The following PCDHGA1 variants were observed in gnomAD, a reference collection of about 807,000 sequenced individuals.
The protein encoded by PCDHGA1 is protocadherin gamma-A1.
Under a neutral mutation model 58.0 loss-of-function variants are expected in PCDHGA1, and 32 were observed. The observed-to-expected ratio is 0.55, with a 90% CI of 0.42 to 0.74. The LOEUF (loss-of-function observed/expected upper bound fraction) is 0.74. PCDHGA1 is among the 30% of genes least tolerant of loss of function. The probability of loss-of-function intolerance (pLI) is 0.00; values close to 1 mark genes in which losing one functional copy is unlikely to be tolerated. For missense variants in PCDHGA1, 1,205 were observed against 1,182.3 expected, an observed-to-expected ratio of 1.02 and a Z score of -0.28; for synonymous variants, 498 against 501.1, an observed-to-expected ratio of 0.99 and a Z score of 0.08.
intron 1 of PCDHGA1, chr5:141,343,376 A>G: frequency 1.0e-6 from 1 of 982,238 alleles, no homozygotes; most frequent in Non-Finnish European, 1.2e-6. Context: ...AGAGAGGGAA[A>G]GGTCAAAGAG....
chr5:141,436,240 G>T (rs192988618), intron 1 of PCDHGA1, among the ~76,000 whole-genome samples: 1 of 152,082 alleles, frequency 6.6e-6, no homozygotes. Context: ...AGCTAACATG[G>T]TCTAATTATT....
chr5:141,399,972 G>A, intron 1 of PCDHGA1: 1 of 1,612,256 alleles, frequency 6.2e-7, no homozygotes. Flanking sequence ...TCTTCAGCCT[G>A]GGGCTGCGCA....
At position 141,510,965 on chromosome 5, in the gene PCDHGA1, C is replaced by T. The variant is rs1473736492; in HGVS notation, c.2588C>T (p.Ser863Phe). The T allele has an allele frequency of 3.1e-6, 5 of 1,614,026 alleles. No homozygotes were observed. The highest frequency in any genetic ancestry group is 4.2e-6 in the Non-Finnish European group (5 of 1,180,020). The change falls in exon 4 of 4, where the codon TCC becomes TTC. Residue 863 changes from serine (S) to phenylalanine (F), a missense_variant. Transcript: ENST00000517417. ...TCTGCAGAAGCTGCTGATGGGAGCT[C>T]CACCCTGGGAGGGGGTGCCGGCACC... ...ASASEAADGS[S>F]TLGGGAGTMG...
chr5:141,376,212 T>C lies in PCDHGA1; in HGVS notation c.2421+43107T>C, dbSNP rs200049429. ...TGCGTCTTCCTGGCCTTCGTCATCGTGCTGCTGGCGCTCAGACTGCAGCGC... is the reference window on the plus strand; with the variant it reads ...TGCGTCTTCCTGGCCTTCGTCATCGCGCTGCTGGCGCTCAGACTGCAGCGC... On this transcript the variant is annotated intron_variant, in intron 1 of 3. Transcript: ENST00000517417. The C allele has an allele frequency of 1.9e-5, 31 of 1,614,098 alleles. No homozygotes were observed. Among genetic ancestry groups the C allele is most frequent in the Non-Finnish European group, 1.7e-6 (2 of 1,180,044 alleles).
intron 1 of PCDHGA1, chr5:141,365,983 T>C (rs954488135): frequency 1.2e-6 from 2 of 1,614,234 alleles, no homozygotes; most frequent in South Asian, 2.2e-5. Flanking sequence ...TGAGCCTGTT[T>C]GTGCTGGACC....
intron 1 of PCDHGA1, chr5:141,366,631 C>T (rs1330710940): frequency 3.7e-6 from 6 of 1,614,138 alleles, no homozygotes; most frequent in Non-Finnish European, 5.1e-6. Flanking sequence ...GGAAGAGTCA[C>T]CTGATCTTTC....
chr5:141,418,125 G>T (rs765373450), intron 1 of PCDHGA1: 7 of 1,613,968 alleles, frequency 4.3e-6, no homozygotes, highest in African/African-American at 2.7e-5. Flanking sequence ...GTGAAGGACC[G>T]AATAGACCGT....
rs775643473 is a variant in PCDHGA1 at position 141,355,907 on chromosome 5, A to G, written c.2421+22802A>G. ...ATTCTCATAATACTTGTGGATACCA[A>G]CGATAATGCTCCCGTGTTCACTCAG... On this transcript the variant is annotated intron_variant, in intron 1 of 3. Coordinates refer to ENST00000517417, the MANE Select transcript of PCDHGA1 (RefSeq NM_018912.3). 3.1e-6 allele frequency: 5 copies of G among 1,613,664 alleles called. No individual in the cohort carries two copies. The African/African-American group carries it at 4.0e-5, about 13-fold the overall frequency.
chr5:141,402,979 C>G (rs372858164), intron 1 of PCDHGA1: 9 of 1,608,716 alleles, frequency 5.6e-6, no homozygotes, highest in Non-Finnish European at 7.6e-6. Flanking sequence ...AATGCCAGCT[C>G]CGCGGAAGAT....
intron 1 of PCDHGA1, among the ~76,000 whole-genome samples, chr5:141,446,961 GA>G (rs1466390366): frequency 2.0e-5 from 3 of 152,070 alleles, no homozygotes; most frequent in Admixed American, 1.3e-4. Context: ...AGCACCCAGG[GA>G]AATTTGCTGT....
chr5:141,399,002 C>A (rs1415503184), intron 1 of PCDHGA1: 2 of 1,613,830 alleles, frequency 1.2e-6, no homozygotes, highest in South Asian at 2.2e-5. Flanking sequence ...AGTCTGAATT[C>A]AAAGAGCGGA....
chr5:141,357,646 T>C (rs763198848), intron 1 of PCDHGA1: 3 of 1,610,622 alleles, frequency 1.9e-6, no homozygotes, highest in Non-Finnish European at 2.5e-6. Flanking sequence ...TAATAGATCA[T>C]ACCACACTGA....
Position 141,340,331 on chromosome 5 carries a change from C to T in PCDHGA1, c.2421+7226C>T, listed in dbSNP as rs150266542. 430 of 1,614,046 alleles carry T rather than the reference C, an allele frequency of 2.7e-4. No individual in the cohort carries two copies. Among genetic ancestry groups the T allele is most frequent in the Non-Finnish European group, 3.4e-4 (403 of 1,180,026 alleles). Reference sequence around the variant, plus strand: ...CAACGACAACGCACCCGCCTTCTCCCGCACATCCTACTCCACCTACATTCC... The same window carrying T: ...CAACGACAACGCACCCGCCTTCTCCTGCACATCCTACTCCACCTACATTCC... On this transcript the variant is annotated intron_variant, in intron 1 of 3. Coordinates refer to ENST00000517417, the MANE Select transcript of PCDHGA1 (RefSeq NM_018912.3).
At chr5:141,401,548 G>T (rs1291544476) in intron 1 of PCDHGA1, among the ~76,000 whole-genome samples, 1 of 152,162 alleles carries the variant, frequency 6.6e-6, no homozygotes, top group Non-Finnish European at 1.5e-5. Context: ...AAAAGGAAAT[G>T]CTATTGCCTG....
intron 1 of PCDHGA1, chr5:141,374,135 A>C: frequency 6.2e-7 from 1 of 1,605,796 alleles, no homozygotes; most frequent in Non-Finnish European, 8.5e-7. Flanking sequence ...CCTGCTCCTC[A>C]CGCTCCTGGG....
chr5:141,489,229 G>A lies in PCDHGA1; in HGVS notation c.2422-5578G>A, dbSNP rs1188849525. 5.9e-6 allele frequency: 9 copies of A among 1,522,134 alleles called. No homozygotes were observed. In the Admixed American group the frequency reaches 6.4e-5, roughly 11 times the overall value. 94.3% of individuals were successfully genotyped at this position (1,522,134 alleles called of 1,614,324 possible). On this transcript the variant is annotated intron_variant, in intron 1 of 3. Transcript: ENST00000517417. The surrounding 1 kb of genome is among the most constrained non-coding windows in gnomAD (Gnocchi z 4.5). The stretch of plus-strand genomic sequence containing the variant: ...AGCACAGACTTACTCTCCACAAAGG[G>A]ACTTCTGGGTCATGGGGCCCAAGAC...
At position 141,430,860 on chromosome 5, in the gene PCDHGA1, C is replaced by G. The variant is rs773955533; in HGVS notation, c.2422-63947C>G. ...ACCGGATGCACCCAGATACGCTATTCAGTTCCGGAAGAGCTGGAGAAAGGC... is the reference window on the plus strand; with the variant it reads ...ACCGGATGCACCCAGATACGCTATTGAGTTCCGGAAGAGCTGGAGAAAGGC... On this transcript the variant is annotated intron_variant, in intron 1 of 3. Transcript: ENST00000517417. 4 of 1,592,382 alleles carry G rather than the reference C, an allele frequency of 2.5e-6. No individual in the cohort carries two copies. In the South Asian group the frequency reaches 4.6e-5, roughly 18 times the overall value.
intron 1 of PCDHGA1, chr5:141,388,948 T>C (rs751779962): frequency 7.4e-6 from 12 of 1,613,904 alleles, no homozygotes; most frequent in Admixed American, 1.7e-5. Context: ...AACCTAATTA[T>C]GGAGGACGCC....
At chr5:141,346,495 A>G (rs1256141676) in intron 1 of PCDHGA1, 2 of 1,612,164 alleles carry the variant, frequency 1.2e-6, no homozygotes, top group Admixed American at 3.3e-5. Flanking sequence ...AAGAACAAAT[A>G]TGAGAATGTG....
Sources: gnomAD v4.1 joint callset for allele counts (sites outside exome capture counted in the v4.1 genomes callset) on GRCh38, gnomAD v4.1.1 for gene constraint, Gnocchi (gnomAD v3.1) non-coding constraint, MANE v1.5 for transcripts, NCBI Gene and HGNC (gene_info 2026-07-23, HGNC 2026-07-21) for gene names.